FBXO31: variants seen among roughly 807,000 people sequenced by gnomAD.
FBXO31 encodes the protein F-box protein 31.
A neutral mutation model predicts 54.4 loss-of-function variants in FBXO31; 24 were observed. That is an observed-to-expected ratio of 0.44 (90% CI 0.32 to 0.62). FBXO31 has a LOEUF of 0.62. FBXO31 is among the 20% of genes least tolerant of loss of function. FBXO31 has a pLI of 0.05. For synonymous variants in FBXO31, 388 were observed against 335.6 expected, an observed-to-expected ratio of 1.16 and a Z score of -1.71; for missense variants, 665 against 787.1, an observed-to-expected ratio of 0.84 and a Z score of 1.86.
upstream of FBXO31, among the ~76,000 whole-genome samples, chr16:87,384,639 C>T (rs372112865): frequency 4.6e-5 from 7 of 152,364 alleles, no homozygotes; most frequent in East Asian, 1.4e-3. Context: ...GCCGTGGGCT[C>T]GCCTCGGACC....
rs559690065 is a variant in FBXO31 at position 87,346,234 on chromosome 16, T to G, written c.489+940A>C. Among the ~76,000 whole-genome samples the G allele has an allele frequency of 7.2e-5, 11 of 152,034 alleles. No individual in the cohort carries two copies. The South Asian group carries it at 2.3e-3, about 32-fold the overall frequency. On this transcript the variant is annotated intron_variant, in intron 3 of 8. Coordinates refer to ENST00000311635, the MANE Select transcript of FBXO31 (RefSeq NM_024735.5). The surrounding 1 kb of genome is among the most constrained non-coding windows in gnomAD (Gnocchi z 4.2). The stretch of plus-strand genomic sequence containing the variant: ...CCGGGCCTGCGCAGAGCAGGTGCCC[T>G]GACTCCACTTTGCCCGCAGGCCGGG...
At chr16:87,391,110 G>A (rs1907526310), upstream of FBXO31, among the ~76,000 whole-genome samples, 1 of 152,160 alleles carries the variant, frequency 6.6e-6, no homozygotes, top group African/African-American at 2.4e-5. Context: ...CAACTCTTAA[G>A]GAGGCCGAGG....
intron 1 of FBXO31, among the ~76,000 whole-genome samples, chr16:87,379,257 G>T (rs2150698334): frequency 6.6e-6 from 1 of 152,242 alleles, no homozygotes; most frequent in Middle Eastern, 3.4e-3. Context: ...AGATCAGTCA[G>T]AGTGGTGGGA....
At chr16:87,370,590 G>C (rs1328178189) in intron 1 of FBXO31, among the ~76,000 whole-genome samples, 1 of 152,154 alleles carries the variant, frequency 6.6e-6, no homozygotes. Flanking sequence ...GGGGATGACT[G>C]AGGAGGCAGT....
chr16:87,373,720 T>TG (rs1229163780), intron 1 of FBXO31, among the ~76,000 whole-genome samples: 1 of 152,092 alleles, frequency 6.6e-6, no homozygotes, highest in South Asian at 2.1e-4. Flanking sequence ...ACCACTAACT[T>TG]GTCCCTTTCA....
Position 87,346,524 on chromosome 16 carries a change from G to A in FBXO31, c.489+650C>T, listed in dbSNP as rs1271198639. Reference sequence around the variant, plus strand: ...GGACTAGACAGGCACTGCCATGGCAGACCCAACGAACAGGAAAGAAATGTC... The same window carrying A: ...GGACTAGACAGGCACTGCCATGGCAAACCCAACGAACAGGAAAGAAATGTC... On this transcript the variant is annotated intron_variant, in intron 3 of 8. Coordinates refer to ENST00000311635, the MANE Select transcript of FBXO31 (RefSeq NM_024735.5). This position sits in a 1 kb window ranked among gnomAD's most constrained non-coding sequence, Gnocchi z 4.2. Among the ~76,000 whole-genome samples, 2 of 152,226 alleles carry A rather than the reference G, an allele frequency of 1.3e-5. No homozygotes were observed. The highest frequency in any genetic ancestry group is 4.8e-5 in the African/African-American group (2 of 41,454).
At chr16:87,350,159 AGCACTGGAGTG>A (rs1905588739) in intron 2 of FBXO31, among the ~76,000 whole-genome samples, 1 of 152,160 alleles carries the variant, frequency 6.6e-6, no homozygotes, top group Admixed American at 6.5e-5. Context: ...GGGGTTTCGG[AGCACTGGAGTG>A]GCAAGACCAC....
chr16:87,384,865 C>T (rs1907270696), upstream of FBXO31, among the ~76,000 whole-genome samples: 1 of 152,030 alleles, frequency 6.6e-6, no homozygotes, highest in South Asian at 2.1e-4. Context: ...GTCTCCAAAA[C>T]AAACAAAAAA....
At chr16:87,373,489 A>C (rs1347738104) in intron 1 of FBXO31, among the ~76,000 whole-genome samples, 4 of 151,830 alleles carry the variant, frequency 2.6e-5, no homozygotes, top group African/African-American at 9.7e-5. Flanking sequence ...ATACACACAC[A>C]TACATACCTG....
chr16:87,335,155 G>C lies in FBXO31; in HGVS notation c.996+149C>G. 8.8e-7 allele frequency: 1 copy of C among 1,135,138 alleles called. No homozygotes were observed. The highest frequency in any genetic ancestry group is 1.4e-5 in the South Asian group (1 of 71,762). 70.3% of individuals were successfully genotyped at this position (1,135,138 alleles called of 1,614,324 possible). On this transcript the variant is annotated intron_variant, in intron 7 of 8. Transcript: ENST00000311635. This position sits in a 1 kb window ranked among gnomAD's most constrained non-coding sequence, Gnocchi z 5.7. Reference sequence around the variant, plus strand: ...GGGGCTGGCTGGGGCCCGAGAATCTGCTTTCCCAAGCTCCCGGGGCTGCAG... The same window carrying C: ...GGGGCTGGCTGGGGCCCGAGAATCTCCTTTCCCAAGCTCCCGGGGCTGCAG...
chr16:87,348,420 G>C (rs1905489459), intron 2 of FBXO31, among the ~76,000 whole-genome samples: 1 of 152,248 alleles, frequency 6.6e-6, no homozygotes, highest in South Asian at 2.1e-4. Context: ...AAAGCAGTGA[G>C]CGTGATGATG....
chr16:87,345,193 C>T lies in FBXO31; in HGVS notation c.490-1428G>A, dbSNP rs1905331507. ...GAGCGGAGCACAATCCCAACACCAG[C>T]ACCGGATTTTCAACACAGCAAGAAC... On this transcript the variant is annotated intron_variant, in intron 3 of 8. Transcript: ENST00000311635. The surrounding 1 kb of genome is among the most constrained non-coding windows in gnomAD (Gnocchi z 4.9). 6.6e-6 allele frequency among the ~76,000 whole-genome samples: 1 copy of T among 152,226 alleles called. No homozygotes were observed. Among genetic ancestry groups the T allele is most frequent in the Admixed American group, 6.5e-5 (1 of 15,286 alleles).
rs1222071819 is a variant in FBXO31, at chr16:87,346,532, G to A, written c.489+642C>T. On this transcript the variant is annotated intron_variant, in intron 3 of 8. Coordinates refer to ENST00000311635, the MANE Select transcript of FBXO31 (RefSeq NM_024735.5). The surrounding 1 kb of genome is among the most constrained non-coding windows in gnomAD (Gnocchi z 4.2). ...CAGGCACTGCCATGGCAGACCCAAC[G>A]AACAGGAAAGAAATGTCCTCACGGG... 6.6e-5 allele frequency among the ~76,000 whole-genome samples: 10 copies of A among 152,206 alleles called. No individual in the cohort carries two copies. Among genetic ancestry groups the A allele is most frequent in the Admixed American group, 1.3e-4 (2 of 15,286 alleles).
At chr16:87,375,447 C>T (rs1243495500) in intron 1 of FBXO31, among the ~76,000 whole-genome samples, 1 of 152,104 alleles carries the variant, frequency 6.6e-6, no homozygotes, top group Non-Finnish European at 1.5e-5. Flanking sequence ...GCCGAGATCA[C>T]GCCACTGCCC....
At position 87,338,360 on chromosome 16, in the gene FBXO31, A is replaced by G. The variant is rs941589632; in HGVS notation, c.733-2096T>C. ...GTGGCAGCGCCGGCAGAGGGGGCTG[A>G]GGGTGACAAGGATGCCTGCTGGCTG... On this transcript the variant is annotated intron_variant, in intron 5 of 8. Coordinates refer to ENST00000311635, the MANE Select transcript of FBXO31 (RefSeq NM_024735.5). The surrounding 1 kb of genome is among the most constrained non-coding windows in gnomAD (Gnocchi z 4.3). Among the ~76,000 whole-genome samples, 4 of 151,900 alleles carry G rather than the reference A, an allele frequency of 2.6e-5. No homozygotes were observed. The highest frequency in any genetic ancestry group is 6.6e-5 in the Admixed American group (1 of 15,238).
chr16:87,356,606 A>AG (rs1053358044), intron 2 of FBXO31, among the ~76,000 whole-genome samples: 77 of 152,294 alleles, frequency 5.1e-4, no homozygotes, highest in African/African-American at 1.9e-3. Flanking sequence ...AACCAAATCC[A>AG]GGCACCTCCG....
intron 4 of FBXO31, 22 bp from the exon 5 acceptor site, chr16:87,342,973 GA>G: frequency 6.3e-7 from 1 of 1,589,234 alleles, no homozygotes; most frequent in African/African-American, 1.3e-5. Flanking sequence ...GCAACACAAG[GA>G]AAGAGAAGAG....
At chr16:87,363,661 T>C (rs1906233444) in intron 1 of FBXO31, among the ~76,000 whole-genome samples, 1 of 152,142 alleles carries the variant, frequency 6.6e-6, no homozygotes, top group African/African-American at 2.4e-5. Flanking sequence ...GAAAATCTCT[T>C]GCTACATGGT....
At chr16:87,373,613 T>C (rs965015903) in intron 1 of FBXO31, among the ~76,000 whole-genome samples, 3 of 151,908 alleles carry the variant, frequency 2.0e-5, no homozygotes, top group Admixed American at 2.0e-4. Flanking sequence ...ACTGCAGCCT[T>C]GAACTCCTGG....
Sources: gnomAD v4.1 joint callset for allele counts (sites outside exome capture counted in the v4.1 genomes callset) on GRCh38, gnomAD v4.1.1 for gene constraint, Gnocchi (gnomAD v3.1) non-coding constraint, MANE v1.5 for transcripts, NCBI Gene and HGNC (gene_info 2026-07-23, HGNC 2026-07-21) for gene names.